Variants in CDC25C observed in about 807,000 individuals in gnomAD.
CDC25C encodes M-phase inducer phosphatase 3.
A neutral mutation model predicts 52.5 loss-of-function variants in CDC25C; 48 were observed. The ratio of observed to expected loss-of-function variants is 0.91; its 90% CI spans 0.72 to 1.16. The LOEUF (loss-of-function observed/expected upper bound fraction) is 1.16. CDC25C is among the 50% of genes most tolerant of loss of function. CDC25C has a pLI of 0.00. For synonymous variants in CDC25C, 187 were observed against 206.5 expected, an observed-to-expected ratio of 0.91 and a Z score of 0.81; for missense variants, 510 against 566.1, an observed-to-expected ratio of 0.90 and a Z score of 1.01.
chr5:138,320,088 C>T (rs1193699520), intron 6 of CDC25C, among the ~76,000 whole-genome samples: 1 of 152,168 alleles, frequency 6.6e-6, no homozygotes, highest in African/African-American at 2.4e-5. Flanking sequence ...CAGCAGATCA[C>T]GAGGTCAGGA....
chr5:138,318,146 T>A (rs1269238607), intron 7 of CDC25C, among the ~76,000 whole-genome samples: 1 of 152,102 alleles, frequency 6.6e-6, no homozygotes, highest in African/African-American at 2.4e-5. Context: ...CTGGCCAACA[T>A]GGCAAAACCC....
At chr5:138,331,960 T>G (rs1462698339), upstream of CDC25C, 17 of 950,830 alleles carry the variant, frequency 1.8e-5, no homozygotes, top group East Asian at 5.8e-4. Flanking sequence ...GTGTGCTTGC[T>G]CTGGAAATGG....
chr5:138,330,297 TG>T (rs1375420571), intron 2 of CDC25C, among the ~76,000 whole-genome samples: 1 of 152,080 alleles, frequency 6.6e-6, no homozygotes, highest in Non-Finnish European at 1.5e-5. Flanking sequence ...GATTTCTCCC[TG>T]GGGTCCCTAG....
rs975999736 is a variant in CDC25C at position 138,291,841 on chromosome 5, GAACA to G, written c.762+125_762+128del. 111 of 569,792 alleles carry G rather than the reference GAACA, an allele frequency of 1.9e-4. 1 individual carries two copies. In the East Asian group the frequency reaches 3.4e-3, roughly 17 times the overall value. 35.3% of individuals were successfully genotyped at this position (569,792 alleles called of 1,614,324 possible). On this transcript the variant is annotated intron_variant, in intron 8 of 13. Transcript: ENST00000323760. ...TGTAGAAAAGACAGAAAGATGGAAA[GAACA>G]AAGAGGAAAAAGTAAAAGTAAAGAG...
At chr5:138,289,631 ATTTT>A in intron 9 of CDC25C, 68 bp from the exon 10 acceptor site, 1 of 1,305,404 alleles carries the variant, frequency 7.7e-7, no homozygotes, top group Non-Finnish European at 1.1e-6. Flanking sequence ...AAAGACCCTT[ATTTT>A]GTCCTTCTTT....
intron 1 of CDC25C, 67 bp from the exon 2 acceptor site, chr5:138,331,285 C>G (rs777459950): frequency 1.8e-6 from 2 of 1,090,500 alleles, no homozygotes; most frequent in Non-Finnish European, 2.7e-6. Flanking sequence ...CTCCTCCACC[C>G]TTTCCAGCCA....
At chr5:138,322,024 C>T (rs981934685) in intron 6 of CDC25C, among the ~76,000 whole-genome samples, 3 of 151,940 alleles carry the variant, frequency 2.0e-5, no homozygotes, top group African/African-American at 7.2e-5. Flanking sequence ...TTTTTTGATA[C>T]AGAGACATGC....
intron 6 of CDC25C, among the ~76,000 whole-genome samples, chr5:138,323,301 G>A (rs1434244970): frequency 1.3e-5 from 2 of 152,026 alleles, no homozygotes; most frequent in Non-Finnish European, 2.9e-5. Context: ...ATTTATTTGA[G>A]ACTGAGTCTC....
At chr5:138,307,535 A>AG (rs1264940513) in intron 7 of CDC25C, among the ~76,000 whole-genome samples, 1 of 151,750 alleles carries the variant, frequency 6.6e-6, no homozygotes, top group South Asian at 2.1e-4. Context: ...AAGGAAAAAA[A>AG]GAAAGAGAAA....
At chr5:138,335,450 C>T (rs1653794764), upstream of CDC25C, 1 of 152,206 alleles carries the variant, frequency 6.6e-6, no homozygotes, top group Non-Finnish European at 1.5e-5. Flanking sequence ...GGATGACTGG[C>T]TCCAGGCCCT....
chr5:138,338,253 G>T (rs765368489), exon 1 of CDC25C: 1 of 1,110,890 alleles, frequency 9.0e-7, no homozygotes, highest in Non-Finnish European at 1.2e-6. Context: ...ACCGTGGGGC[G>T]AACCGAGCGC....
Position 138,325,815 on chromosome 5 carries a change from A to T in CDC25C, c.459T>A (p.Asn153Lys). 1 of 1,608,048 alleles carries T rather than the reference A, an allele frequency of 6.2e-7. No individual in the cohort carries two copies. The highest frequency in any genetic ancestry group is 8.5e-7 in the Non-Finnish European group (1 of 1,174,698). ...AMCSSSANKENDNGNLVDSEM... is the reference protein window; with the variant it reads ...AMCSSSANKEKDNGNLVDSEM... Reference sequence around the variant, plus strand: ...ATCTAGGTTTCCATTAAACACTCACATTTTCTTTATTTGCAGATGAACTAC... The same window carrying T: ...ATCTAGGTTTCCATTAAACACTCACTTTTTCTTTATTTGCAGATGAACTAC... The change falls in exon 6 of 14, where the codon AAT (asparagine) becomes AAA (lysine). Residue 153 changes from asparagine (N) to lysine (K), a missense_variant and splice_region_variant. Coordinates refer to ENST00000323760, the MANE Select transcript of CDC25C (RefSeq NM_001790.5).
At chr5:138,293,867 G>A (rs947218025) in intron 7 of CDC25C, among the ~76,000 whole-genome samples, 48 of 151,740 alleles carry the variant, frequency 3.2e-4, no homozygotes, top group African/African-American at 1.1e-3. Flanking sequence ...GGCTGGTCTC[G>A]AACTCCCGGG....
Position 138,326,631 on chromosome 5 carries a change from G to C in CDC25C, c.336-577C>G, listed in dbSNP as rs1759881011. Among the ~76,000 whole-genome samples, 3 of 151,982 alleles carry C rather than the reference G, an allele frequency of 2.0e-5. No homozygotes were observed. The South Asian group carries it at 6.3e-4, about 32-fold the overall frequency. On this transcript the variant is annotated intron_variant, in intron 4 of 13. Coordinates refer to ENST00000323760, the MANE Select transcript of CDC25C (RefSeq NM_001790.5). Reference sequence around the variant, plus strand: ...TCTGGGATTACAGATGTGAGCCACCGCACCCGGCCGGGGCTAACTTTTTAA... The same window carrying C: ...TCTGGGATTACAGATGTGAGCCACCCCACCCGGCCGGGGCTAACTTTTTAA...
chr5:138,338,172 T>G (rs1168733450), exon 1 of CDC25C: 11 of 1,289,312 alleles, frequency 8.5e-6, no homozygotes, highest in Non-Finnish European at 1.1e-5. Flanking sequence ...CTTGGGGGGA[T>G]TCTGCGAGCC....
chr5:138,303,081 A>T (rs140004112), intron 7 of CDC25C, among the ~76,000 whole-genome samples: 250 of 152,242 alleles, frequency 1.6e-3, no homozygotes, highest in African/African-American at 5.8e-3. Flanking sequence ...TAAAAACAAA[A>T]ACAAAAACAA....
At chr5:138,332,134 C>T, upstream of CDC25C, 1 of 154,014 alleles carries the variant, frequency 6.5e-6, no homozygotes, top group Non-Finnish European at 1.4e-5. Context: ...CTCAGCCCCA[C>T]GAACCCCGGG....
chr5:138,316,836 A>G lies in CDC25C; in HGVS notation c.615+2383T>C, dbSNP rs1049389795. Among the ~76,000 whole-genome samples the G allele has an allele frequency of 1.4e-3, 206 of 152,190 alleles. 1 individual carries two copies. The highest frequency in any genetic ancestry group is 4.5e-3 in the African/African-American group (188 of 41,532). ...GAATACGGGATAAGACAAACTGCCT[A>G]CAGAGAGGAGCTGCCCCCTGTGGGT... On this transcript the variant is annotated intron_variant, in intron 7 of 13. Transcript: ENST00000323760.
chr5:138,331,355 T>A, intron 1 of CDC25C, 137 bp from the exon 2 acceptor site: 1 of 719,600 alleles, frequency 1.4e-6, no homozygotes, highest in South Asian at 1.9e-5. Flanking sequence ...TGGCTTAAGG[T>A]TAGAACCTGA....
Sources: allele counts gnomAD v4.1 joint callset (sites outside exome capture counted in the v4.1 genomes callset), GRCh38; gene constraint gnomAD v4.1.1; transcripts MANE v1.5; gene names NCBI Gene and HGNC (gene_info 2026-07-23, HGNC 2026-07-21).